PDE3A: variants seen among roughly 807,000 people sequenced by gnomAD.
PDE3A encodes the protein cGMP-inhibited 3',5'-cyclic phosphodiesterase 3A.
Under a neutral mutation model 98.3 loss-of-function variants are expected in PDE3A, and 43 were observed. The ratio of observed to expected loss-of-function variants is 0.44; its 90% confidence interval spans 0.34 to 0.56. The LOEUF (loss-of-function observed/expected upper bound fraction) is 0.56. PDE3A is among the 20% of genes least tolerant of loss of function. The probability of loss-of-function intolerance (pLI) is 0.01; values close to 1 mark genes in which losing one functional copy is unlikely to be tolerated. For missense variants in PDE3A, 1,427 were observed against 1,440.7 expected, an observed-to-expected ratio of 0.99 and a Z score of 0.15; for synonymous variants, 663 against 567.9, an observed-to-expected ratio of 1.17 and a Z score of -2.38.
At position 20,479,606 on chromosome 12, in the gene PDE3A, T is replaced by G. The variant is rs187071039; in HGVS notation, c.961-77054T>G. Among the ~76,000 whole-genome samples the G allele has an allele frequency of 8.8e-4, 134 of 152,362 alleles. 1 individual carries two copies. The highest frequency in any genetic ancestry group is 3.4e-3 in the Middle Eastern group (1 of 294). ...AGAAGAATGTTTTGGTTGTTCATCC[T>G]ATATTTAATCTTGCTCCTTTGAGTT... On this transcript the variant is annotated intron_variant, in intron 1 of 15. Transcript: ENST00000359062.
chr12:20,567,434 A>T (rs1308104134), intron 2 of PDE3A, among the ~76,000 whole-genome samples: 1 of 151,978 alleles, frequency 6.6e-6, no homozygotes, highest in Admixed American at 6.6e-5. Flanking sequence ...GAGATTCCCA[A>T]CTTTTAATGT....
At chr12:20,477,441 A>G (rs529586445) in intron 1 of PDE3A, among the ~76,000 whole-genome samples, 1 of 152,290 alleles carries the variant, frequency 6.6e-6, no homozygotes, top group South Asian at 2.1e-4. Flanking sequence ...CCAGTTGCTG[A>G]TCGGCAATAA....
chr12:20,643,659 C>G (rs753706964), intron 10 of PDE3A, among the ~76,000 whole-genome samples: 1 of 151,896 alleles, frequency 6.6e-6, no homozygotes, highest in Non-Finnish European at 1.5e-5. Context: ...AACCTGTACT[C>G]GAAAGCAAAA....
intron 2 of PDE3A, among the ~76,000 whole-genome samples, chr12:20,580,752 T>G (rs967233594): frequency 1.9e-4 from 29 of 152,330 alleles, no homozygotes; most frequent in African/African-American, 7.0e-4. Context: ...GTCAGAGGAA[T>G]AAATGTACAG....
intron 1 of PDE3A, among the ~76,000 whole-genome samples, chr12:20,402,556 G>A (rs921881968): frequency 6.6e-6 from 1 of 151,770 alleles, no homozygotes; most frequent in Non-Finnish European, 1.5e-5. Flanking sequence ...TCTTACGGTG[G>A]GCCCTAGATG....
At chr12:20,536,202 A>C (rs553800321) in intron 1 of PDE3A, among the ~76,000 whole-genome samples, 1 of 152,226 alleles carries the variant, frequency 6.6e-6, no homozygotes, top group East Asian at 1.9e-4. Context: ...TAATATAGCC[A>C]AAATATCTTA....
At chr12:20,380,720 G>C (rs1943649080) in intron 1 of PDE3A, among the ~76,000 whole-genome samples, 2 of 151,730 alleles carry the variant, frequency 1.3e-5, no homozygotes, top group Non-Finnish European at 2.9e-5. Flanking sequence ...ACTTTTTAGA[G>C]AGATTGCTAT....
chr12:20,650,360 C>A (rs1034169370), intron 13 of PDE3A, 85 bp from the exon 14 acceptor site: 6 of 811,282 alleles, frequency 7.4e-6, no homozygotes, highest in Admixed American at 4.6e-5. Flanking sequence ...AATATGAAGA[C>A]AATAAATGTT....
Position 20,648,682 on chromosome 12 carries a change from G to T in PDE3A, c.2566-6G>T. 6 of 1,579,362 alleles carry T rather than the reference G, an allele frequency of 3.8e-6. No homozygotes were observed. The highest frequency in any genetic ancestry group is 5.2e-6 in the Non-Finnish European group (6 of 1,148,818). On this transcript the variant is annotated splice_polypyrimidine_tract_variant and splice_region_variant and intron_variant, in intron 12 of 15. Coordinates refer to ENST00000359062, the MANE Select transcript of PDE3A (RefSeq NM_000921.5). Reference sequence around the variant, plus strand: ...AGTTGAACTCTTAACTGTCTTATTTGCCTAGGCGGTGCTATATAACGATCG... The same window carrying T: ...AGTTGAACTCTTAACTGTCTTATTTTCCTAGGCGGTGCTATATAACGATCG...
intron 1 of PDE3A, among the ~76,000 whole-genome samples, chr12:20,494,448 A>T (rs938459651): frequency 6.6e-6 from 1 of 152,124 alleles, no homozygotes; most frequent in Non-Finnish European, 1.5e-5. Flanking sequence ...GAGAAACATA[A>T]TTATAGGTGA....
intron 1 of PDE3A, among the ~76,000 whole-genome samples, chr12:20,397,724 A>G (rs1053909064): frequency 6.6e-6 from 1 of 152,118 alleles, no homozygotes; most frequent in Admixed American, 6.6e-5. Flanking sequence ...GTGTAAAATA[A>G]TTGCCTCCTC....
At chr12:20,665,962 T>C (rs1215221013) in intron 15 of PDE3A, among the ~76,000 whole-genome samples, 3 of 127,136 alleles carry the variant, frequency 2.4e-5, no homozygotes, top group Non-Finnish European at 4.7e-5. Context: ...GTCATTTCTT[T>C]TTTTTTTTTT....
chr12:20,647,339 A>G (rs1944799144), intron 12 of PDE3A, among the ~76,000 whole-genome samples: 1 of 152,210 alleles, frequency 6.6e-6, no homozygotes, highest in Non-Finnish European at 1.5e-5. Context: ...CATTCCTTTG[A>G]AATATATTCA....
chr12:20,618,962 T>G (rs1944073242), intron 4 of PDE3A, among the ~76,000 whole-genome samples: 7 of 152,024 alleles, frequency 4.6e-5, no homozygotes. Context: ...CACAGGCACA[T>G]AGATAATTTT....
intron 7 of PDE3A, 29 bp downstream of exon 7, chr12:20,633,807 C>T (rs1334859064): frequency 1.5e-6 from 2 of 1,347,720 alleles, no homozygotes; most frequent in Admixed American, 2.0e-5. Flanking sequence ...TTCTGTTGCC[C>T]AAAATGGAAA....
At chr12:20,596,981 G>A (rs903739753) in intron 2 of PDE3A, among the ~76,000 whole-genome samples, 6 of 152,228 alleles carry the variant, frequency 3.9e-5, no homozygotes, top group African/African-American at 1.2e-4. Context: ...TGTGAATAGC[G>A]TAGGGCTTCG....
At chr12:20,381,648 A>G (rs1943666096) in intron 1 of PDE3A, among the ~76,000 whole-genome samples, 1 of 151,844 alleles carries the variant, frequency 6.6e-6, no homozygotes, top group Non-Finnish European at 1.5e-5. Context: ...TTTCCAAGAC[A>G]TTGATTCTTA....
At chr12:20,531,688 G>C (rs1941603833) in intron 1 of PDE3A, among the ~76,000 whole-genome samples, 1 of 152,098 alleles carries the variant, frequency 6.6e-6, no homozygotes, top group Non-Finnish European at 1.5e-5. Flanking sequence ...AAATTGCACT[G>C]TAACTATTTC....
At chr12:20,450,025 C>A (rs545637808) in intron 1 of PDE3A, 3 of 666,918 alleles carry the variant, frequency 4.5e-6, no homozygotes, top group South Asian at 1.8e-5. Flanking sequence ...CTGGAAGTTA[C>A]GGAAGTTTTT....
Sources: gnomAD v4.1 joint callset for allele counts (sites outside exome capture counted in the v4.1 genomes callset) on GRCh38, gnomAD v4.1.1 for gene constraint, MANE v1.5 for transcripts, NCBI Gene and HGNC (gene_info 2026-07-23, HGNC 2026-07-21) for gene names.